CCSER1: variants seen among roughly 807,000 people sequenced by gnomAD.
CCSER1 encodes the protein coiled-coil serine rich protein 1, also known as serine-rich coiled-coil domain-containing protein 1.
Under a neutral mutation model 82.0 loss-of-function variants are expected in CCSER1, and 41 were observed. The ratio of observed to expected loss-of-function variants is 0.50; its 90% confidence interval spans 0.39 to 0.65. The LOEUF is 0.65. Among genes scored for constraint, CCSER1 ranks in the 30% least tolerant of loss-of-function variants. The pLI is 0.00. For missense variants in CCSER1, 1,119 were observed against 1,064.2 expected (o/e 1.05, Z -0.72); for synonymous variants, 414 against 383.9 (o/e 1.08, Z -0.92).
intron 10 of CCSER1, among the ~76,000 whole-genome samples, chr4:91,149,634 T>A (rs1463084770): frequency 6.6e-6 from 1 of 152,104 alleles, no homozygotes; most frequent in Non-Finnish European, 1.5e-5. Flanking sequence ...AGTCTTTAAT[T>A]CATCTTGAAT....
chr4:90,861,502 A>G (rs1765081044), intron 8 of CCSER1, among the ~76,000 whole-genome samples: 1 of 151,838 alleles, frequency 6.6e-6, no homozygotes, highest in African/African-American at 2.4e-5. Context: ...CTAAGTACAC[A>G]TTTAAGAAGC....
At chr4:90,790,546 A>G (rs888156068) in intron 7 of CCSER1, among the ~76,000 whole-genome samples, 2 of 104,696 alleles carry the variant, frequency 1.9e-5, no homozygotes, top group Admixed American at 8.3e-5. Flanking sequence ...GATTCTGGAT[A>G]CATTTTTTTT....
chr4:90,307,903 TTAAGAA>T (rs1257237872), intron 1 of CCSER1, among the ~76,000 whole-genome samples: 2 of 152,118 alleles, frequency 1.3e-5, no homozygotes, highest in Admixed American at 1.3e-4. Context: ...ACATAAAAAG[TTAAGAA>T]TAAACAGTTT....
At chr4:91,528,113 G>A (rs1346979582) in intron 10 of CCSER1, among the ~76,000 whole-genome samples, 4 of 152,042 alleles carry the variant, frequency 2.6e-5, no homozygotes, top group Non-Finnish European at 2.9e-5. Flanking sequence ...TAGAGAAAGG[G>A]TTTCACCATG....
intron 5 of CCSER1, among the ~76,000 whole-genome samples, chr4:90,484,027 G>C (rs997701648): frequency 3.9e-5 from 6 of 152,016 alleles, no homozygotes; most frequent in African/African-American, 2.4e-5. Context: ...ACGTAGATTT[G>C]GTCTTTTCAC....
chr4:90,732,132 A>T, intron 7 of CCSER1, among the ~76,000 whole-genome samples: 1 of 151,046 alleles, frequency 6.6e-6, no homozygotes, highest in East Asian at 1.9e-4. Context: ...GAGCTTTCTC[A>T]CAACATGCTG....
chr4:91,497,875 C>T (rs1759007941), intron 10 of CCSER1, among the ~76,000 whole-genome samples: 1 of 151,722 alleles, frequency 6.6e-6, no homozygotes, highest in Non-Finnish European at 1.5e-5. Flanking sequence ...TTTCTTTAAC[C>T]TCTAGAAGTA....
intron 10 of CCSER1, among the ~76,000 whole-genome samples, chr4:91,446,542 A>G (rs375532902): frequency 6.7e-6 from 1 of 148,390 alleles, no homozygotes; most frequent in East Asian, 2.0e-4. Context: ...AGATGAATAC[A>G]TAACAACTGA....
chr4:91,099,679 A>G (rs1257015763), intron 10 of CCSER1, among the ~76,000 whole-genome samples: 1 of 152,140 alleles, frequency 6.6e-6, no homozygotes, highest in Non-Finnish European at 1.5e-5. Context: ...TGGGGTGGGG[A>G]CTGCTTCCAG....
At chr4:91,526,313 C>A (rs1760761873) in intron 10 of CCSER1, among the ~76,000 whole-genome samples, 1 of 152,158 alleles carries the variant, frequency 6.6e-6, no homozygotes, top group Non-Finnish European at 1.5e-5. Flanking sequence ...TATTTTAAAT[C>A]TACCTACAAG....
intron 10 of CCSER1, among the ~76,000 whole-genome samples, chr4:91,448,506 C>T (rs1373510703): frequency 6.6e-6 from 1 of 152,014 alleles, no homozygotes; most frequent in African/African-American, 2.4e-5. Context: ...ATAATCCTAA[C>T]TCATTCAGTG....
intron 10 of CCSER1, among the ~76,000 whole-genome samples, chr4:91,163,217 C>T (rs1243974586): frequency 6.6e-6 from 1 of 152,176 alleles, no homozygotes; most frequent in African/African-American, 2.4e-5. Flanking sequence ...GCAGATTGTT[C>T]AGTTTCCATG....
At chr4:90,340,038 A>G (rs902287919) in intron 3 of CCSER1, among the ~76,000 whole-genome samples, 5 of 152,096 alleles carry the variant, frequency 3.3e-5, no homozygotes, top group African/African-American at 1.2e-4. Flanking sequence ...ATTTGTTTTA[A>G]CCTTTTGTTA....
intron 10 of CCSER1, among the ~76,000 whole-genome samples, chr4:91,252,314 TACTC>T (rs1740317703): frequency 6.6e-6 from 1 of 152,102 alleles, no homozygotes; most frequent in Non-Finnish European, 1.5e-5. Context: ...TATACCTACT[TACTC>T]TGTGAGAAAT....
At chr4:90,493,435 A>G (rs1415245877) in intron 5 of CCSER1, among the ~76,000 whole-genome samples, 3 of 152,180 alleles carry the variant, frequency 2.0e-5, no homozygotes, top group Non-Finnish European at 4.4e-5. Flanking sequence ...ACTCCTCGAG[A>G]AGAGCAACTC....
At chr4:91,390,120 A>G (rs910165408) in intron 10 of CCSER1, among the ~76,000 whole-genome samples, 8 of 151,948 alleles carry the variant, frequency 5.3e-5, no homozygotes, top group African/African-American at 1.9e-4. Flanking sequence ...TACTGAGAAA[A>G]TTTTGAGTTT....
chr4:90,271,858 ATATATTTTTTT>A (rs1390298349), intron 1 of CCSER1, among the ~76,000 whole-genome samples: 8 of 24,394 alleles, frequency 3.3e-4, no homozygotes, highest in Admixed American at 9.7e-4. Flanking sequence ...ATATATATAT[ATATATTTTTTT>A]TTTTTTTTTT....
intron 10 of CCSER1, among the ~76,000 whole-genome samples, chr4:91,406,450 T>A (rs1321435595): frequency 6.6e-6 from 1 of 152,194 alleles, no homozygotes; most frequent in Non-Finnish European, 1.5e-5. Context: ...GTAATAGCCA[T>A]CTTGCCAATT....
chr4:90,217,891 G>A (rs1165724977), intron 1 of CCSER1, among the ~76,000 whole-genome samples: 1 of 152,000 alleles, frequency 6.6e-6, no homozygotes. Context: ...GACCTCCCAG[G>A]CTCAAGAGAT....
Sources: allele counts gnomAD v4.1 joint callset (sites outside exome capture counted in the v4.1 genomes callset), GRCh38; gene constraint gnomAD v4.1.1; transcripts MANE v1.5; gene names NCBI Gene and HGNC (gene_info 2026-07-23, HGNC 2026-07-21).